The following PGS1 variants were observed in gnomAD, a reference collection of about 807,000 sequenced individuals.
PGS1 encodes CDP-diacylglycerol--glycerol-3-phosphate 3-phosphatidyltransferase, mitochondrial.
In PGS1, 44 loss-of-function variants were observed where a neutral mutation model predicts 58.3. The observed-to-expected ratio is 0.75, with a 90% CI of 0.59 to 0.97. The LOEUF is 0.97. PGS1 is among the 50% of genes least tolerant of loss of function. The pLI is 0.00. For missense variants in PGS1, 684 were observed against 731.1 expected, an observed-to-expected ratio of 0.94 and a Z score of 0.74; for synonymous variants, 330 against 311.0, an observed-to-expected ratio of 1.06 and a Z score of -0.64.
chr17:78,417,418 T>C (rs2085287091), intron 8 of PGS1, among the ~76,000 whole-genome samples: 3 of 151,950 alleles, frequency 2.0e-5, no homozygotes, highest in Admixed American at 6.6e-5. Flanking sequence ...GGCTGCTCAG[T>C]TGGGAGTGTG....
intron 7 of PGS1, among the ~76,000 whole-genome samples, chr17:78,408,249 T>A (rs1414540206): frequency 6.6e-6 from 1 of 152,188 alleles, no homozygotes; most frequent in Admixed American, 6.5e-5. Flanking sequence ...CATTCTTATT[T>A]GGATTTTTGT....
At chr17:78,412,499 G>T (rs2084802716) in intron 7 of PGS1, among the ~76,000 whole-genome samples, 1 of 152,252 alleles carries the variant, frequency 6.6e-6, no homozygotes, top group South Asian at 2.1e-4. Context: ...TTGTGCGTAT[G>T]ATGAAGTTGT....
chr17:78,388,065 C>T (rs2082539910), intron 1 of PGS1, among the ~76,000 whole-genome samples: 3 of 152,182 alleles, frequency 2.0e-5, no homozygotes, highest in Non-Finnish European at 2.9e-5. Flanking sequence ...ATCCATGAAA[C>T]GTAGTTGGCT....
chr17:78,423,252 C>G (rs2086092551), intron 9 of PGS1, among the ~76,000 whole-genome samples: 1 of 152,214 alleles, frequency 6.6e-6, no homozygotes, highest in African/African-American at 2.4e-5. Context: ...GCCTGGCCAC[C>G]TCACTGCCGT....
chr17:78,421,751 A>G (rs998414506), intron 9 of PGS1: 2 of 151,606 alleles, frequency 1.3e-5, no homozygotes, highest in African/African-American at 4.9e-5. Flanking sequence ...GGCTTAAGCA[A>G]TCTATCTGCA....
chr17:78,379,466 C>G (rs1318649805), intron 1 of PGS1, among the ~76,000 whole-genome samples: 1 of 152,046 alleles, frequency 6.6e-6, no homozygotes, highest in East Asian at 1.9e-4. Flanking sequence ...AGGCAGTGGT[C>G]TTTTAAAATA....
In PGS1 at chr17:78,404,083, GC is replaced by G. The variant is rs1355720354; in HGVS notation, c.1398del (p.Gly468AlafsTer16). 1 of 1,557,536 alleles carries G rather than the reference GC, an allele frequency of 6.4e-7. No homozygotes were observed. The highest frequency in any genetic ancestry group is 2.3e-5 in the East Asian group (1 of 43,048). ...CTGGCGGAGGGGCTGGACGTTCCACGCCAAAGGTGCGCAGCGGCTGGCTGGA... is the reference window on the plus strand; with the variant it reads ...CTGGCGGAGGGGCTGGACGTTCCACGCAAAGGTGCGCAGCGGCTGGCTGGA... ...EYWRRGWTFH[A>X]KGLWLYLAGS... On this transcript the variant is annotated frameshift_variant, in exon 7 of 10. Transcript: ENST00000262764. LOFTEE classifies it high-confidence loss of function.
In PGS1 at chr17:78,423,011, G is replaced by A. The variant is rs192861973; in HGVS notation, c.*11-1050G>A. 2.4e-3 allele frequency among the ~76,000 whole-genome samples: 366 copies of A among 151,806 alleles called. 2 individuals are homozygous for A. Among genetic ancestry groups the A allele is most frequent in the Admixed American group, 0.022 (335 of 15,258 alleles). The stretch of plus-strand genomic sequence containing the variant: ...CTTGGGAGGTTGAGGCAGGAGAATC[G>A]CTTGAGCCCAGGAGGTGGAGGTTGC... On this transcript the variant is annotated intron_variant, in intron 9 of 9. Transcript: ENST00000262764.
rs2085507812 is a variant in PGS1 at position 78,419,563 on chromosome 17, C to T, written c.1569C>T (p.Tyr523=). 6.2e-7 allele frequency: 1 copy of T among 1,614,032 alleles called. No homozygotes were observed. Among genetic ancestry groups the T allele is most frequent in the South Asian group, 1.1e-5 (1 of 91,076 alleles). The part of the protein sequence containing the change: ...QQLHQEQEQL[Y]LRSGVVSSAT... ...TTCCTCAGGAGCAAGAGCAGCTCTA[C>T]CTGAGGTCAGGTGTGGTGTCCTCTG... The change falls in exon 9 of 10, where the codon TAC becomes TAT. Residue 523 remains tyrosine (Y), a synonymous_variant. Coordinates refer to ENST00000262764, the MANE Select transcript of PGS1 (RefSeq NM_024419.5).
chr17:78,398,752 G>C (rs2083433737), intron 4 of PGS1, among the ~76,000 whole-genome samples: 2 of 152,228 alleles, frequency 1.3e-5, no homozygotes, highest in Non-Finnish European at 2.9e-5. Context: ...TTTGGGGTTT[G>C]GCCGTGTCAC....
rs928154458 is a variant in PGS1 at position 78,399,419 on chromosome 17, T to C, written c.583T>C (p.Phe195Leu). Residue 195 changes from phenylalanine to leucine, a missense_variant, in exon 5 of 10, where the codon TTT becomes CTT. Physicochemically the swap from Phe to Leu is conservative, Grantham distance 22. Coordinates refer to ENST00000262764, the MANE Select transcript of PGS1 (RefSeq NM_024419.5). ...CCCAGAGCAGGTCCGAGTCTCCCTC[T>C]TTCACACGCCGCACCTCCGTGGGCT... ...RFPEQVRVSL[F>L]HTPHLRGLLR... The C allele has an allele frequency of 6.2e-7, 1 of 1,614,110 alleles. No individual in the cohort carries two copies.
intron 1 of PGS1, among the ~76,000 whole-genome samples, chr17:78,387,385 C>T (rs976429341): frequency 1.3e-5 from 2 of 150,602 alleles, no homozygotes; most frequent in Admixed American, 6.6e-5. Flanking sequence ...CTGCAACCTC[C>T]GCCTCCCGGG....
In PGS1 at chr17:78,396,264, A is replaced by G. The variant is rs1013718173; in HGVS notation, c.334-44A>G. On this transcript the variant is annotated intron_variant, in intron 2 of 9. Coordinates refer to ENST00000262764, the MANE Select transcript of PGS1 (RefSeq NM_024419.5). ...AAGGGTTCTGTTTTCTTAGTGAACCATGAAAATGATGAATTTGAATTTTGA... is the reference window on the plus strand; with the variant it reads ...AAGGGTTCTGTTTTCTTAGTGAACCGTGAAAATGATGAATTTGAATTTTGA... 3 of 1,471,500 alleles carry G rather than the reference A, an allele frequency of 2.0e-6. No individual in the cohort carries two copies. The African/African-American group carries it at 4.2e-5, about 20-fold the overall frequency. 91.2% of individuals were successfully genotyped at this position (1,471,500 alleles called of 1,614,324 possible). A position where few individuals can be genotyped will look rare whatever the true frequency, so the allele number is the denominator to read the frequency against.
intron 7 of PGS1, among the ~76,000 whole-genome samples, chr17:78,405,528 T>C (rs1009590012): frequency 1.3e-5 from 2 of 152,200 alleles, no homozygotes; most frequent in Admixed American, 6.5e-5. Flanking sequence ...CTCTCAGGCA[T>C]CTGGCGGAGC....
In PGS1 at chr17:78,403,716, C is replaced by T. The variant is rs752636275; in HGVS notation, c.1029C>T (p.Arg343=). 3.7e-6 allele frequency: 6 copies of T among 1,614,102 alleles called. No homozygotes were observed. In the Admixed American group the frequency reaches 5.0e-5, roughly 13 times the overall value. The part of the protein sequence containing the change: ...TQEDAAAAGD[R]RPAPDTWIYP... ...AAGATGCAGCAGCTGCTGGGGATCG[C>T]AGACCAGCCCCTGACACCTGGATTT... Residue 343 remains arginine (R), a synonymous_variant, in exon 7 of 10, where the codon CGC becomes CGT. Coordinates refer to ENST00000262764, the MANE Select transcript of PGS1 (RefSeq NM_024419.5).
intron 7 of PGS1, among the ~76,000 whole-genome samples, chr17:78,410,030 G>A (rs2084495104): frequency 6.6e-6 from 1 of 152,230 alleles, no homozygotes; most frequent in Non-Finnish European, 1.5e-5. Flanking sequence ...AGAATCACTT[G>A]AACCTGGGAG....
At chr17:78,420,592 C>T (rs1196203750) in intron 9 of PGS1, 1 of 152,224 alleles carries the variant, frequency 6.6e-6, no homozygotes, top group Non-Finnish European at 1.5e-5. Context: ...GTGGCCGGCA[C>T]ATGCGCTAGT....
At chr17:78,402,223 G>A (rs4969142) in intron 6 of PGS1, among the ~76,000 whole-genome samples, 65,236 of 152,018 alleles carry the variant, frequency 0.43, 15,242 homozygotes, top group Admixed American at 0.51. Context: ...CCTGCCCCCA[G>A]CTCAGACCAT....
chr17:78,378,652 A>G lies in PGS1; in HGVS notation c.-14A>G. The G allele has an allele frequency of 1.3e-6, 2 of 1,524,724 alleles. No individual in the cohort carries two copies. Among genetic ancestry groups the G allele is most frequent in the African/African-American group, 2.9e-5 (2 of 69,796 alleles). 94.4% of individuals were successfully genotyped at this position (1,524,724 alleles called of 1,614,324 possible). ...CGCGCCCGCCGGGAGCGGAAGCGGAAGCGGCGAGTCTCCATGGCGGTGGCG... is the reference window on the plus strand; with the variant it reads ...CGCGCCCGCCGGGAGCGGAAGCGGAGGCGGCGAGTCTCCATGGCGGTGGCG... On this transcript the variant is annotated 5_prime_UTR_variant, in exon 1 of 10. Coordinates refer to ENST00000262764, the MANE Select transcript of PGS1 (RefSeq NM_024419.5).
Sources: allele counts gnomAD v4.1 joint callset (sites outside exome capture counted in the v4.1 genomes callset), GRCh38; gene constraint gnomAD v4.1.1; transcripts MANE v1.5; gene names NCBI Gene and HGNC (gene_info 2026-07-23, HGNC 2026-07-21).